Variants in POR observed in about 807,000 individuals in gnomAD.
POR encodes the protein NADPH--cytochrome P450 reductase.
In POR, 56 loss-of-function variants were observed where a neutral mutation model predicts 84.0. The observed-to-expected ratio is 0.67, with a 90% CI of 0.54 to 0.83. The LOEUF is 0.83. Among genes scored for constraint, POR ranks in the 40% least tolerant of loss-of-function variants. The probability of loss-of-function intolerance (pLI) is 0.00; values close to 1 mark genes in which losing one functional copy is unlikely to be tolerated. For missense variants in POR, 938 were observed against 944.3 expected (o/e 0.99, Z 0.09); for synonymous variants, 414 against 400.5 (o/e 1.03, Z -0.40).
rs539003410 is a variant in POR at position 75,916,704 on chromosome 7, T to C, written c.-5+1525T>C. Among the ~76,000 whole-genome samples the C allele has an allele frequency of 6.6e-5, 10 of 152,328 alleles. No individual in the cohort carries two copies. In the South Asian group the frequency reaches 2.1e-3, roughly 32 times the overall value. On this transcript the variant is annotated intron_variant, in intron 1 of 15. Transcript: ENST00000461988. ...TAGGAGTGATCTTAATTTTCCAAAA[T>C]TCTTCAGGTCTAGCACTTGAAGAAA...
intron 3 of POR, among the ~76,000 whole-genome samples, chr7:75,975,275 A>G (rs1231241004): frequency 1.3e-5 from 2 of 152,190 alleles, no homozygotes; most frequent in Non-Finnish European, 2.9e-5. Flanking sequence ...TACATTTTAC[A>G]TAGCTGTCTA....
chr7:75,944,732 C>T (rs1316967367), intron 1 of POR, among the ~76,000 whole-genome samples: 6 of 151,972 alleles, frequency 3.9e-5, no homozygotes, highest in Non-Finnish European at 2.9e-5. Flanking sequence ...GTCTTAGAAC[C>T]GAAATATACA....
chr7:75,945,161 G>A (rs1787120845), intron 1 of POR, among the ~76,000 whole-genome samples: 1 of 151,982 alleles, frequency 6.6e-6, no homozygotes, highest in African/African-American at 2.4e-5. Flanking sequence ...CACACCTGTA[G>A]TCCCACCTAC....
intron 2 of POR, among the ~76,000 whole-genome samples, chr7:75,958,703 G>A (rs1787793151): frequency 6.6e-6 from 1 of 152,092 alleles, no homozygotes; most frequent in African/African-American, 2.4e-5. Context: ...TAATAGGCCT[G>A]GCATGGTGGC....
At chr7:75,934,122 AGTGTGTGTGTGTGTGTGTGTGT>A (rs58236447) in intron 1 of POR, among the ~76,000 whole-genome samples, 8,289 of 126,862 alleles carry the variant, frequency 0.065, 748 homozygotes, top group African/African-American at 0.22. Flanking sequence ...AAGACCTCAG[AGTGTGTGTGTGTGTGTGTGTGT>A]GTGTGTGTGT....
chr7:75,958,752 CAA>C, intron 2 of POR, among the ~76,000 whole-genome samples: 1 of 151,966 alleles, frequency 6.6e-6, no homozygotes, highest in Non-Finnish European at 1.5e-5. Context: ...GGCTGAGGCA[CAA>C]AGATTGCTTG....
chr7:75,980,746 C>T, intron 5 of POR: 1 of 1,469,324 alleles, frequency 6.8e-7, no homozygotes, highest in South Asian at 1.3e-5. Flanking sequence ...GGCTGGACGA[C>T]TGAGACCTGC....
At position 75,977,142 on chromosome 7, in the gene POR, G is replaced by A. The variant is rs116410983; in HGVS notation, c.238-2309G>A. On this transcript the variant is annotated intron_variant, in intron 3 of 15. Transcript: ENST00000461988. ...TACTAGGATTACAGAAGTGAGCCACGGCACCCGGCCGCGTAAGTTTTATTT... is the reference window on the plus strand; with the variant it reads ...TACTAGGATTACAGAAGTGAGCCACAGCACCCGGCCGCGTAAGTTTTATTT... 5.8e-3 allele frequency among the ~76,000 whole-genome samples: 884 copies of A among 152,188 alleles called. 9 individuals are homozygous for A. The highest frequency in any genetic ancestry group is 0.02 in the African/African-American group (826 of 41,532).
chr7:75,947,455 C>T (rs1554552274), intron 1 of POR, among the ~76,000 whole-genome samples: 4 of 151,962 alleles, frequency 2.6e-5, no homozygotes, highest in Non-Finnish European at 5.9e-5. Context: ...GCACCACGCC[C>T]AGCTAATTTT....
chr7:75,986,698 C>T lies in POR; in HGVS notation c.*217C>T, dbSNP rs782183732. On this transcript the variant is annotated 3_prime_UTR_variant, in exon 16 of 16. Coordinates refer to ENST00000461988, the MANE Select transcript of POR (RefSeq NM_000941.3). ...ACAGCCCAGGGCCTGCATGGGGGCA[C>T]CGGGCTCCATGCCTCTGGAGGCCTC... 8.8e-5 allele frequency: 55 copies of T among 626,258 alleles called. No individual in the cohort carries two copies. Among genetic ancestry groups the T allele is most frequent in the Non-Finnish European group, 1.3e-4 (47 of 363,164 alleles). 38.8% of individuals were successfully genotyped at this position (626,258 alleles called of 1,614,324 possible). A position where few individuals can be genotyped will look rare whatever the true frequency, so the allele number is the denominator to read the frequency against.
intron 2 of POR, among the ~76,000 whole-genome samples, chr7:75,960,239 C>T (rs757913711): frequency 1.3e-4 from 19 of 151,938 alleles, no homozygotes; most frequent in Non-Finnish European, 1.8e-4. Context: ...TGCCGAGCGC[C>T]GAGCTCACAC....
At chr7:75,917,901 C>T (rs1322679256) in intron 1 of POR, among the ~76,000 whole-genome samples, 1 of 152,180 alleles carries the variant, frequency 6.6e-6, no homozygotes, top group Non-Finnish European at 1.5e-5. Context: ...CAGTGGCTCA[C>T]GCCTGTAATT....
Position 75,982,316 on chromosome 7 carries a change from A to G in POR, c.824A>G (p.Gln275Arg), listed in dbSNP as rs201697814. The G allele has an allele frequency of 6.2e-6, 10 of 1,610,722 alleles. No individual in the cohort carries two copies. The highest frequency in any genetic ancestry group is 1.1e-5 in the South Asian group (1 of 90,484). Residue 275 changes from glutamine to arginine, a missense_variant, in exon 8 of 16, where the codon CAG becomes CGG. By Grantham distance (43) the Gln-to-Arg change is conservative. Transcript: ENST00000461988. ...GGCCGGCTGAAGAGCTACGAGAACC[A>G]GAAGCCGTGAGTGGAGGGAGCGTGG...
chr7:75,922,838 C>T (rs1806944940), intron 1 of POR: 1 of 545,908 alleles, frequency 1.8e-6, no homozygotes, highest in Admixed American at 2.8e-5. Flanking sequence ...CTCAAAGCCA[C>T]CCAGTCAAAG....
rs1222187125 is a variant in POR at position 75,986,747 on chromosome 7, G to C, written c.*266G>C. On this transcript the variant is annotated 3_prime_UTR_variant, in exon 16 of 16. Transcript: ENST00000461988. ...TCTGGCCCTCGGTGGCTGCACAGAAGGGCTCTTTCTCTCTGCTGAGCTGGG... is the reference window on the plus strand; with the variant it reads ...TCTGGCCCTCGGTGGCTGCACAGAACGGCTCTTTCTCTCTGCTGAGCTGGG... 3.4e-6 allele frequency: 2 copies of C among 590,248 alleles called. No homozygotes were observed. The highest frequency in any genetic ancestry group is 4.3e-5 in the South Asian group (2 of 46,584). The allele number at this position is 590,248 out of a possible 1,614,324, so 36.6% of individuals were successfully genotyped here.
At chr7:75,946,713 G>C (rs570344679) in intron 1 of POR, 1 of 152,398 alleles carries the variant, frequency 6.6e-6, no homozygotes, top group East Asian at 1.9e-4. Context: ...TTGCTGTTTG[G>C]ATTGATACTG....
At chr7:75,931,294 C>G (rs1413363419) in intron 1 of POR, among the ~76,000 whole-genome samples, 1 of 152,142 alleles carries the variant, frequency 6.6e-6, no homozygotes, top group African/African-American at 2.4e-5. Flanking sequence ...AGACATTATT[C>G]TAAGTGAAAG....
intron 2 of POR, among the ~76,000 whole-genome samples, chr7:75,960,438 G>A (rs1213638142): frequency 1.3e-5 from 2 of 152,176 alleles, no homozygotes; most frequent in Admixed American, 6.5e-5. Flanking sequence ...TCAGCCTCTT[G>A]AGTAGCTGGG....
At chr7:75,943,246 C>A (rs531653030) in intron 1 of POR, among the ~76,000 whole-genome samples, 1 of 152,128 alleles carries the variant, frequency 6.6e-6, no homozygotes, top group South Asian at 2.1e-4. Context: ...CCACCGTGCC[C>A]GGCCCTCTCT....
Sources: gnomAD v4.1 joint callset for allele counts (sites outside exome capture counted in the v4.1 genomes callset) on GRCh38, gnomAD v4.1.1 for gene constraint, MANE v1.5 for transcripts, NCBI Gene and HGNC (gene_info 2026-07-23, HGNC 2026-07-21) for gene names.